Variants in FUT8 observed in about 807,000 individuals in gnomAD.
FUT8 encodes the protein fucosyltransferase 8, also known as alpha-(1,6)-fucosyltransferase.
A neutral mutation model predicts 71.3 loss-of-function variants in FUT8; 29 were observed. That is an observed-to-expected ratio of 0.41 (90% CI 0.30 to 0.55). The LOEUF (loss-of-function observed/expected upper bound fraction) is 0.55, where lower values mean the gene tolerates loss of function less well. Among genes scored for constraint, FUT8 ranks in the 20% least tolerant of loss-of-function variants. FUT8 has a pLI of 0.34. For missense variants in FUT8, 544 were observed against 702.1 expected, an observed-to-expected ratio of 0.77 and a Z score of 2.55; for synonymous variants, 254 against 239.3, an observed-to-expected ratio of 1.06 and a Z score of -0.57.
rs1016097886 is a variant in FUT8, at chr14:65,499,505, G to C, written c.-228+43787G>C. ...ATATCTACTTTATAGGTGTGTTGAT[G>C]ATTAAATCAATTTGTAAAGAATAAT... On this transcript the variant is annotated intron_variant, in intron 2 of 10. Coordinates refer to ENST00000673929, the MANE Select transcript of FUT8 (RefSeq NM_001371533.1). 3.3e-5 allele frequency among the ~76,000 whole-genome samples: 5 copies of C among 151,932 alleles called. No individual in the cohort carries two copies. In the East Asian group the frequency reaches 9.7e-4, roughly 29 times the overall value.
At chr14:65,357,824 C>A in the FUT8 span, among the ~76,000 whole-genome samples, 1 of 152,214 alleles carries the variant, frequency 6.6e-6, no homozygotes, top group East Asian at 1.9e-4. Context: ...GTGCCTGGTA[C>A]ACCCTGAACT....
At chr14:65,608,467 C>T (rs1888704131) in intron 3 of FUT8, among the ~76,000 whole-genome samples, 1 of 151,858 alleles carries the variant, frequency 6.6e-6, no homozygotes, top group Non-Finnish European at 1.5e-5. Context: ...GGCTACAACT[C>T]ACTAGTTTTT....
intron 2 of FUT8, among the ~76,000 whole-genome samples, chr14:65,475,042 A>G (rs1403255452): frequency 3.9e-5 from 6 of 152,160 alleles, no homozygotes. Flanking sequence ...ATCTACTAGT[A>G]TGGAATCTAA....
At chr14:65,485,572 A>G (rs905877850) in intron 2 of FUT8, among the ~76,000 whole-genome samples, 1 of 152,240 alleles carries the variant, frequency 6.6e-6, no homozygotes, top group African/African-American at 2.4e-5. Flanking sequence ...CTGCATGATT[A>G]TCCATCACTA....
chr14:65,517,378 G>T (rs1882783308), intron 2 of FUT8, among the ~76,000 whole-genome samples: 4 of 152,108 alleles, frequency 2.6e-5, no homozygotes, highest in Admixed American at 2.6e-4. Context: ...TTGTTTTAAA[G>T]AATTTACAGT....
At chr14:65,725,223 T>C (rs566117756) in intron 9 of FUT8, among the ~76,000 whole-genome samples, 1 of 152,326 alleles carries the variant, frequency 6.6e-6, no homozygotes, top group South Asian at 2.1e-4. Context: ...ACAGTAACAA[T>C]TATTTTTTGA....
At chr14:65,406,273 A>G (rs916458828), upstream of FUT8, among the ~76,000 whole-genome samples, 1 of 152,224 alleles carries the variant, frequency 6.6e-6, no homozygotes, top group African/African-American at 2.4e-5. Flanking sequence ...CAACCCCATG[A>G]GCTAGGGGAC....
intron 1 of FUT8, among the ~76,000 whole-genome samples, chr14:65,447,584 C>T (rs1009155836): frequency 6.6e-6 from 1 of 151,766 alleles, no homozygotes; most frequent in African/African-American, 2.4e-5. Context: ...TTTTCAAATA[C>T]ATACATTTTT....
intron 7 of FUT8, among the ~76,000 whole-genome samples, chr14:65,715,293 T>G (rs529377422): frequency 7.9e-5 from 12 of 152,334 alleles, no homozygotes; most frequent in African/African-American, 2.9e-4. Flanking sequence ...TGAAGAGATC[T>G]TGAATTTTAT....
chr14:65,479,480 A>G (rs1351997464), intron 2 of FUT8, among the ~76,000 whole-genome samples: 1 of 151,964 alleles, frequency 6.6e-6, no homozygotes, highest in Non-Finnish European at 1.5e-5. Flanking sequence ...GTTTGTTGGG[A>G]TCTCTTTGAT....
At chr14:65,649,993 A>G (rs1035685741) in intron 6 of FUT8, among the ~76,000 whole-genome samples, 1 of 152,186 alleles carries the variant, frequency 6.6e-6, no homozygotes, top group African/African-American at 2.4e-5. Flanking sequence ...GTCTATTCTC[A>G]CACTGCTATA....
At chr14:65,586,373 G>GTA (rs1345664413) in intron 3 of FUT8, among the ~76,000 whole-genome samples, 2 of 152,070 alleles carry the variant, frequency 1.3e-5, no homozygotes, top group East Asian at 3.9e-4. Flanking sequence ...CACCAGCCAA[G>GTA]TATAGATTCA....
intron 2 of FUT8, among the ~76,000 whole-genome samples, chr14:65,544,118 C>A (rs903255428): frequency 1.3e-5 from 2 of 151,978 alleles, no homozygotes; most frequent in Non-Finnish European, 2.9e-5. Context: ...AAGTAGAGAT[C>A]TGAATTATAA....
At chr14:65,708,559 C>T (rs1003593807) in intron 7 of FUT8, among the ~76,000 whole-genome samples, 12 of 152,046 alleles carry the variant, frequency 7.9e-5, no homozygotes, top group African/African-American at 1.4e-4. Context: ...ATTTTCACCT[C>T]CTTGGTTAAA....
intron 9 of FUT8, among the ~76,000 whole-genome samples, chr14:65,732,860 C>T (rs1318387265): frequency 6.6e-6 from 1 of 152,066 alleles, no homozygotes; most frequent in African/African-American, 2.4e-5. Flanking sequence ...GGTTTTATCA[C>T]AGTATTTGTA....
intron 7 of FUT8, among the ~76,000 whole-genome samples, chr14:65,676,891 A>G (rs1205908413): frequency 1.3e-5 from 2 of 152,118 alleles, no homozygotes; most frequent in Non-Finnish European, 2.9e-5. Flanking sequence ...CCTTTTGGTT[A>G]GTTTTATATG....
At chr14:65,394,635 G>C in the FUT8 span, among the ~76,000 whole-genome samples, 12 of 152,074 alleles carry the variant, frequency 7.9e-5, no homozygotes, top group African/African-American at 2.9e-4. Flanking sequence ...TTACTTCCTA[G>C]ATACAATAAG....
chr14:65,512,265 C>T (rs2139821304), intron 2 of FUT8, among the ~76,000 whole-genome samples: 1 of 152,246 alleles, frequency 6.6e-6, no homozygotes, highest in East Asian at 1.9e-4. Context: ...CTGGTTCAAG[C>T]AATTCTCGTG....
intron 1 of FUT8, among the ~76,000 whole-genome samples, chr14:65,451,467 C>T (rs559451780): frequency 2.6e-4 from 40 of 152,334 alleles, no homozygotes; most frequent in African/African-American, 6.3e-4. Context: ...CTCCGCTGTC[C>T]GTGGACAGCT....
Sources: allele counts gnomAD v4.1 joint callset (sites outside exome capture counted in the v4.1 genomes callset), GRCh38; gene constraint gnomAD v4.1.1; transcripts MANE v1.5; gene names NCBI Gene and HGNC (gene_info 2026-07-23, HGNC 2026-07-21).